Variants in ANGPT2 observed in about 807,000 individuals in gnomAD.
ANGPT2 encodes angiopoietin 2.
ANGPT2 carries 28 observed loss-of-function variants against 62.9 expected under a neutral mutation model. That is an observed-to-expected ratio of 0.44 (90% CI 0.33 to 0.61). ANGPT2 has a LOEUF of 0.61. Ranked by LOEUF, ANGPT2 falls within the 20% of genes least tolerant of loss-of-function variation. The pLI is 0.03. For missense variants in ANGPT2, 727 were observed against 594.9 expected (o/e 1.22, Z -2.31); for synonymous variants, 284 against 207.8 (o/e 1.37, Z -3.15).
At chr8:6,546,010 A>G (rs1264456729) in intron 1 of ANGPT2, among the ~76,000 whole-genome samples, 1 of 152,242 alleles carries the variant, frequency 6.6e-6, no homozygotes, top group Non-Finnish European at 1.5e-5. Flanking sequence ...CAGATTCATC[A>G]TTACAGTACA....
intron 5 of ANGPT2, among the ~76,000 whole-genome samples, chr8:6,515,214 C>G (rs1378916891): frequency 7.5e-6 from 1 of 133,980 alleles, no homozygotes; most frequent in Non-Finnish European, 1.7e-5. Flanking sequence ...ATGCCAGCCC[C>G]TGCCCCTCCA....
chr8:6,535,249 A>C (rs917377626), intron 1 of ANGPT2, among the ~76,000 whole-genome samples: 1 of 152,224 alleles, frequency 6.6e-6, no homozygotes, highest in Non-Finnish European at 1.5e-5. Context: ...TTCTAGAGCT[A>C]CTGAGTCAGA....
intron 1 of ANGPT2, among the ~76,000 whole-genome samples, chr8:6,549,932 C>T (rs1586565781): frequency 1.3e-5 from 2 of 152,124 alleles, no homozygotes; most frequent in South Asian, 4.1e-4. Context: ...CAGCAGGGCT[C>T]GAGTCTGAGC....
chr8:6,517,844 CAG>C (rs143077363), intron 5 of ANGPT2, among the ~76,000 whole-genome samples: 187 of 152,318 alleles, frequency 1.2e-3, no homozygotes, highest in African/African-American at 4.3e-3. Flanking sequence ...TTGTGACTTA[CAG>C]AGTCTTAAGT....
At chr8:6,507,471 C>A (rs1463863109) in intron 8 of ANGPT2, 1 of 152,020 alleles carries the variant, frequency 6.6e-6, no homozygotes, top group African/African-American at 2.4e-5. Context: ...AACTTGACAG[C>A]ATTTGTCACA....
chr8:6,516,875 G>A (rs901987547), intron 5 of ANGPT2, among the ~76,000 whole-genome samples: 6 of 152,072 alleles, frequency 3.9e-5, no homozygotes, highest in African/African-American at 1.4e-4. Context: ...GAAGTCAGAG[G>A]CAAAACTCTT....
chr8:6,555,308 C>T (rs1372321613), intron 1 of ANGPT2, among the ~76,000 whole-genome samples: 4 of 152,154 alleles, frequency 2.6e-5, no homozygotes, highest in Non-Finnish European at 5.9e-5. Flanking sequence ...GGCTGAATTT[C>T]GTCGTCCTGC....
intron 5 of ANGPT2, among the ~76,000 whole-genome samples, chr8:6,518,529 T>A (rs1375232218): frequency 1.3e-5 from 2 of 152,216 alleles, no homozygotes; most frequent in South Asian, 2.1e-4. Context: ...AATAGCACAA[T>A]ATTTATCTTT....
chr8:6,507,409 A>G (rs188815495), intron 8 of ANGPT2, among the ~76,000 whole-genome samples: 2 of 152,248 alleles, frequency 1.3e-5, no homozygotes, highest in East Asian at 1.9e-4. Context: ...ATTTTGCACT[A>G]TTGGCAGAGT....
intron 1 of ANGPT2, among the ~76,000 whole-genome samples, chr8:6,535,036 G>A (rs1820239857): frequency 1.3e-5 from 2 of 152,132 alleles, no homozygotes; most frequent in South Asian, 4.2e-4. Flanking sequence ...CGGGAGGCTT[G>A]GAACTATAGA....
chr8:6,538,144 C>A (rs1287577940), intron 1 of ANGPT2, among the ~76,000 whole-genome samples: 1 of 152,032 alleles, frequency 6.6e-6, no homozygotes, highest in Non-Finnish European at 1.5e-5. Context: ...TCTTCCCACC[C>A]AGCCCTTCCA....
rs1191639300 is a variant in ANGPT2 at position 6,547,043 on chromosome 8, G to A, written c.289-14556C>T. On this transcript the variant is annotated intron_variant, in intron 1 of 8. Coordinates refer to ENST00000629816, the MANE Select transcript of ANGPT2 (RefSeq NM_001118887.2). ...GAAGCGTTCTCAGAGCAACATGCAC[G>A]TGTTCCGTGTGTACCGTGGTTGCCT... Among the ~76,000 whole-genome samples, 8 of 152,074 alleles carry A rather than the reference G, an allele frequency of 5.3e-5. No individual in the cohort carries two copies. The East Asian group carries it at 5.8e-4, about 11-fold the overall frequency.
intron 1 of ANGPT2, among the ~76,000 whole-genome samples, chr8:6,559,227 G>GATA (rs1825129097): frequency 3.4e-5 from 1 of 28,990 alleles, no homozygotes; most frequent in African/African-American, 8.6e-5. Context: ...AGCCACACAC[G>GATA]ACAACACACA....
rs201429096 is a variant in ANGPT2, at chr8:6,534,201, A to AT, written c.289-1715dup. Among the ~76,000 whole-genome samples, 7 of 151,212 alleles carry AT rather than the reference A, an allele frequency of 4.6e-5. No homozygotes were observed. The South Asian group carries it at 1.5e-3, about 32-fold the overall frequency. ...ACGGGTTCAACCACACCATCAATAT[A>AT]TTTTAAAAAAAAAATAACAATACAA... On this transcript the variant is annotated intron_variant, in intron 1 of 8. Transcript: ENST00000629816.
chr8:6,504,054 C>T (rs1812736226), intron 8 of ANGPT2, among the ~76,000 whole-genome samples: 1 of 152,204 alleles, frequency 6.6e-6, no homozygotes, highest in African/African-American at 2.4e-5. Flanking sequence ...CGCAGTGGCT[C>T]ACGCCTGTAA....
intron 6 of ANGPT2, among the ~76,000 whole-genome samples, chr8:6,514,113 G>C (rs79324428): frequency 3.0e-3 from 464 of 152,318 alleles, no homozygotes; most frequent in Middle Eastern, 6.8e-3. Context: ...AAACAGCTCA[G>C]TTCATGGGAA....
chr8:6,532,050 A>G (rs1223567646), intron 2 of ANGPT2, among the ~76,000 whole-genome samples: 1 of 152,214 alleles, frequency 6.6e-6, no homozygotes, highest in East Asian at 1.9e-4. Flanking sequence ...CAGAGGGGGT[A>G]TTCATCTTGC....
chr8:6,542,497 G>T (rs1266335653), intron 1 of ANGPT2, among the ~76,000 whole-genome samples: 4 of 152,004 alleles, frequency 2.6e-5, no homozygotes, highest in African/African-American at 9.7e-5. Flanking sequence ...GCTAGCGCCT[G>T]GGTCACAGTG....
At chr8:6,522,242 C>A (rs1413711547) in intron 3 of ANGPT2, among the ~76,000 whole-genome samples, 1 of 152,056 alleles carries the variant, frequency 6.6e-6, no homozygotes, top group Non-Finnish European at 1.5e-5. Context: ...GTAGTCACAG[C>A]TACTCTGGAG....
Sources: allele counts gnomAD v4.1 joint callset (sites outside exome capture counted in the v4.1 genomes callset), GRCh38; gene constraint gnomAD v4.1.1; transcripts MANE v1.5; gene names NCBI Gene and HGNC (gene_info 2026-07-23, HGNC 2026-07-21).